PHF24: variants seen among roughly 807,000 people sequenced by gnomAD.
PHF24 encodes the protein Galpha inhibitory interacting protein.
PHF24 carries 25 observed loss-of-function variants against 42.6 expected under a neutral mutation model. That is an observed-to-expected ratio of 0.59 (90% CI 0.43 to 0.82). The LOEUF is 0.82. PHF24 is among the 40% of genes least tolerant of loss of function. The probability of loss-of-function intolerance (pLI) is 0.00; values close to 1 mark genes in which losing one functional copy is unlikely to be tolerated. For synonymous variants in PHF24, 185 were observed against 204.8 expected (o/e 0.90, Z 0.83); for missense variants, 470 against 538.1 (o/e 0.87, Z 1.25).
At chr9:34,936,851 AGTG>A in the PHF24 span, among the ~76,000 whole-genome samples, 1 of 148,626 alleles carries the variant, frequency 6.7e-6, no homozygotes, top group Non-Finnish European at 1.5e-5. Context: ...CCGTCTGATA[AGTG>A]AGGAGCCCCT....
At chr9:34,834,037 G>C in the PHF24 span, 4 of 1,549,206 alleles carry the variant, frequency 2.6e-6, no homozygotes, top group South Asian at 4.8e-5. Context: ...GGTGTTCAGT[G>C]ACAGTACCTG....
chr9:34,936,885 C>T, the PHF24 span, among the ~76,000 whole-genome samples: 1 of 151,746 alleles, frequency 6.6e-6, no homozygotes, highest in African/African-American at 2.4e-5. Context: ...GCCGCCCCGT[C>T]TGAGAAGTGA....
At chr9:34,697,865 C>A in the PHF24 span, among the ~76,000 whole-genome samples, 1 of 152,150 alleles carries the variant, frequency 6.6e-6, no homozygotes, top group South Asian at 2.1e-4. Context: ...TTGTGAGATG[C>A]TCTCTTGGGA....
At chr9:34,665,855 G>A in the PHF24 span, 60 of 599,218 alleles carry the variant, frequency 1.0e-4, no homozygotes, top group East Asian at 1.3e-3. Flanking sequence ...TGGAAGTTAA[G>A]GGGTGAGGAG....
the PHF24 span, among the ~76,000 whole-genome samples, chr9:34,938,905 C>G: frequency 6.9e-6 from 1 of 145,272 alleles, no homozygotes; most frequent in Non-Finnish European, 1.5e-5. Flanking sequence ...CCACCGCACT[C>G]CAGCCTGGGC....
chr9:34,974,928 G>A (rs537330819), intron 3 of PHF24, among the ~76,000 whole-genome samples: 2 of 152,186 alleles, frequency 1.3e-5, no homozygotes, highest in African/African-American at 4.8e-5. Flanking sequence ...TGAGTCATCA[G>A]GTCCTGATGA....
the PHF24 span, among the ~76,000 whole-genome samples, chr9:34,737,118 G>T: frequency 0.4 from 61,134 of 151,960 alleles, 13,842 homozygotes; most frequent in East Asian, 0.6. Context: ...TTCACAACAT[G>T]GTGCAATCAT....
At chr9:34,967,134 G>T (rs372190136) in intron 1 of PHF24, among the ~76,000 whole-genome samples, 3 of 152,092 alleles carry the variant, frequency 2.0e-5, no homozygotes, top group African/African-American at 7.2e-5. Context: ...ATTAGTAGCT[G>T]TCCATCTCTG....
the PHF24 span, among the ~76,000 whole-genome samples, chr9:34,744,809 C>G: frequency 6.6e-6 from 1 of 151,960 alleles, no homozygotes; most frequent in Non-Finnish European, 1.5e-5. Flanking sequence ...ATCAGGTAAT[C>G]TTTAATACGG....
At chr9:34,935,471 G>A in the PHF24 span, among the ~76,000 whole-genome samples, 2 of 152,018 alleles carry the variant, frequency 1.3e-5, no homozygotes, top group Admixed American at 6.6e-5. Context: ...GCACGTGCCT[G>A]TAGTCCCAGC....
At chr9:34,832,906 T>C in the PHF24 span, 5 of 1,551,686 alleles carry the variant, frequency 3.2e-6, no homozygotes, top group Admixed American at 7.8e-5. Flanking sequence ...TCTCAGACTC[T>C]TTCTCCCCAG....
chr9:34,746,981 G>T, the PHF24 span, among the ~76,000 whole-genome samples: 2 of 152,128 alleles, frequency 1.3e-5, no homozygotes, highest in Non-Finnish European at 2.9e-5. Context: ...AAGAAAGATT[G>T]ACACATTGGA....
chr9:34,937,044 C>G, the PHF24 span, among the ~76,000 whole-genome samples: 9 of 145,716 alleles, frequency 6.2e-5, no homozygotes, highest in Admixed American at 2.7e-4. Flanking sequence ...GCCCCCCCCC[C>G]GGGCCAGCCG....
At chr9:34,902,663 AAAAT>A in the PHF24 span, among the ~76,000 whole-genome samples, 30,985 of 152,042 alleles carry the variant, frequency 0.2, 3,269 homozygotes, top group South Asian at 0.29. Context: ...CAAAAAAATA[AAAAT>A]AAATAAATGA....
the PHF24 span, among the ~76,000 whole-genome samples, chr9:34,667,679 A>G: frequency 2.0e-5 from 3 of 152,220 alleles, no homozygotes; most frequent in Admixed American, 1.3e-4. Flanking sequence ...GAGGGGGCAG[A>G]CAGGACTGGG....
the PHF24 span, among the ~76,000 whole-genome samples, chr9:34,859,748 TACTC>T: frequency 6.6e-6 from 1 of 152,236 alleles, no homozygotes; most frequent in African/African-American, 2.4e-5. Context: ...GATTAATTTT[TACTC>T]ACTACTAAGG....
At chr9:34,911,287 C>T in the PHF24 span, among the ~76,000 whole-genome samples, 9 of 151,412 alleles carry the variant, frequency 5.9e-5, no homozygotes, top group South Asian at 8.4e-4. Context: ...CAGAGTCTCT[C>T]TCTGTCACCC....
the PHF24 span, among the ~76,000 whole-genome samples, chr9:34,701,096 G>A: frequency 6.6e-6 from 1 of 152,174 alleles, no homozygotes; most frequent in Non-Finnish European, 1.5e-5. This position sits in a 1 kb window ranked among gnomAD's most constrained non-coding sequence, Gnocchi z 5.8. Flanking sequence ...TGGGAATCTT[G>A]TTCCAGCTCA....
intron 3 of PHF24, among the ~76,000 whole-genome samples, chr9:34,973,376 T>C (rs1827074571): frequency 6.6e-6 from 1 of 152,236 alleles, no homozygotes. Context: ...GTGGTTATTA[T>C]GTGAATTAAA....
Sources: gnomAD v4.1 joint callset for allele counts (sites outside exome capture counted in the v4.1 genomes callset) on GRCh38, gnomAD v4.1.1 for gene constraint, Gnocchi (gnomAD v3.1) non-coding constraint, MANE v1.5 for transcripts, NCBI Gene and HGNC (gene_info 2026-07-23, HGNC 2026-07-21) for gene names.